Variants in PTPRJ observed in about 807,000 individuals in gnomAD.
The protein encoded by PTPRJ is receptor-type tyrosine-protein phosphatase eta.
Under a neutral mutation model 141.3 loss-of-function variants are expected in PTPRJ, and 129 were observed. The ratio of observed to expected loss-of-function variants is 0.91; its 90% CI spans 0.79 to 1.06. The LOEUF (loss-of-function observed/expected upper bound fraction) is 1.06, where lower values mean the gene tolerates loss of function less well. Among genes scored for constraint, PTPRJ ranks in the 50% least tolerant of loss-of-function variants. PTPRJ has a pLI of 0.00. For missense variants in PTPRJ, 1,601 were observed against 1,679.7 expected (o/e 0.95, Z 0.82); for synonymous variants, 610 against 640.5 (o/e 0.95, Z 0.72).
At chr11:48,094,410 A>G (rs928474450) in intron 1 of PTPRJ, among the ~76,000 whole-genome samples, 1 of 152,154 alleles carries the variant, frequency 6.6e-6, no homozygotes, top group Non-Finnish European at 1.5e-5. Flanking sequence ...AAATTAACCG[A>G]GTGGGGAAAT....
In PTPRJ at chr11:48,163,582, A is replaced by G. The variant is rs201873108; in HGVS notation, c.3683A>G (p.Gln1228Arg). 679 of 1,613,938 alleles carry G rather than the reference A, an allele frequency of 4.2e-4. 1 individual carries two copies. Among genetic ancestry groups the G allele is most frequent in the Non-Finnish European group, 5.0e-4 (593 of 1,179,894 alleles). Residue 1228 changes from glutamine to arginine, a missense_variant, in exon 23 of 25, where the codon CAG becomes CGG. Physicochemically the swap from Gln to Arg is conservative, Grantham distance 43 (BLOSUM62 1). Transcript: ENST00000418331. ...FRYLVRDYMK[Q>R]SPPESPILVH... ...TACCTCGTTCGTGACTACATGAAGC[A>G]GAGTCCTCCCGAATCGCCGATTCTG...
At chr11:48,132,799 T>TTAACCCAACCA in intron 8 of PTPRJ, 1 of 898,924 alleles carries the variant, frequency 1.1e-6, no homozygotes, top group Non-Finnish European at 1.3e-6. Flanking sequence ...TCAACTGTGC[T>TTAACCCAACCA]GGTTGGGTTA....
At chr11:48,061,913 T>A (rs996699158) in intron 1 of PTPRJ, among the ~76,000 whole-genome samples, 1 of 149,632 alleles carries the variant, frequency 6.7e-6, no homozygotes, top group South Asian at 2.1e-4. Flanking sequence ...CTTATAGTTT[T>A]TTTTTTTTTT....
chr11:48,167,656 A>AT lies in PTPRJ; in HGVS notation c.*303dup, dbSNP rs964493999. ...GGAAAACCAGGAAAAGGGAGCTATG[A>AT]TTTTTTTTTCCAAAACAATTTCTTT... On this transcript the variant is annotated 3_prime_UTR_variant, in exon 25 of 25. Coordinates refer to ENST00000418331, the MANE Select transcript of PTPRJ (RefSeq NM_002843.4). 1.1e-3 allele frequency: 292 copies of AT among 264,796 alleles called. No individual in the cohort carries two copies. The highest frequency in any genetic ancestry group is 1.9e-3 in the East Asian group (29 of 14,938). The allele number at this position is 264,796 out of a possible 1,614,324, so 16.4% of individuals were successfully genotyped here. A position where few individuals can be genotyped will look rare whatever the true frequency, so the allele number is the denominator to read the frequency against.
intron 18 of PTPRJ, among the ~76,000 whole-genome samples, chr11:48,151,215 A>G (rs1382625840): frequency 6.6e-6 from 1 of 151,664 alleles, no homozygotes; most frequent in Non-Finnish European, 1.5e-5. Flanking sequence ...GCAGGGTCAC[A>G]CTCCCTTCTA....
At chr11:48,067,331 C>T (rs1251900523) in intron 1 of PTPRJ, among the ~76,000 whole-genome samples, 1 of 152,212 alleles carries the variant, frequency 6.6e-6, no homozygotes, top group East Asian at 1.9e-4. Context: ...AGCAATGCCG[C>T]TGCCAATGGT....
intron 19 of PTPRJ, among the ~76,000 whole-genome samples, chr11:48,155,569 C>G (rs982920602): frequency 2.0e-5 from 3 of 152,042 alleles, no homozygotes; most frequent in Middle Eastern, 3.2e-3. Context: ...AAATCCTGGC[C>G]CTGCCACTCA....
intron 1 of PTPRJ, among the ~76,000 whole-genome samples, chr11:48,052,659 A>G (rs775277793): frequency 6.6e-6 from 1 of 152,214 alleles, no homozygotes; most frequent in Non-Finnish European, 1.5e-5. Context: ...CAGATCTCAA[A>G]GGATGGGACA....
chr11:47,999,250 T>C (rs1305563667), intron 1 of PTPRJ, among the ~76,000 whole-genome samples: 1 of 152,226 alleles, frequency 6.6e-6, no homozygotes, highest in Admixed American at 6.5e-5. Context: ...GCTGTTTATT[T>C]GCTGTCTTTG....
chr11:48,078,040 T>A (rs1255454796), intron 1 of PTPRJ, among the ~76,000 whole-genome samples: 1 of 151,836 alleles, frequency 6.6e-6, no homozygotes, highest in Non-Finnish European at 1.5e-5. Context: ...TAAAGATGGA[T>A]TCAGTGTTTT....
At chr11:48,039,772 C>A (rs1288345184) in intron 1 of PTPRJ, among the ~76,000 whole-genome samples, 1 of 151,630 alleles carries the variant, frequency 6.6e-6, no homozygotes, top group African/African-American at 2.4e-5. Flanking sequence ...AGTGTCCCCC[C>A]AGTCTCCCTT....
intron 24 of PTPRJ, 24 bp from the exon 25 acceptor site, chr11:48,167,180 C>G (rs1857935773): frequency 6.3e-7 from 1 of 1,590,930 alleles, no homozygotes; most frequent in African/African-American, 1.3e-5. Context: ...CATTTTCTGT[C>G]TCTCTCTTTC....
chr11:48,163,696 T>C, intron 23 of PTPRJ, 78 bp downstream of exon 23: 1 of 1,441,808 alleles, frequency 6.9e-7, no homozygotes, highest in Non-Finnish European at 9.6e-7. Flanking sequence ...AAGCAAAGCC[T>C]AAGAGGGAAT....
intron 8 of PTPRJ, among the ~76,000 whole-genome samples, chr11:48,133,904 C>T (rs1262892894): frequency 1.3e-5 from 2 of 152,148 alleles, no homozygotes; most frequent in African/African-American, 4.8e-5. Flanking sequence ...GATTAGGCAA[C>T]TTAATATTCT....
rs79473393 is a variant in PTPRJ at position 48,116,143 on chromosome 11, A to G, written c.352+3160A>G. Among the ~76,000 whole-genome samples the G allele has an allele frequency of 4.3e-4, 66 of 152,266 alleles. No individual in the cohort carries two copies. The East Asian group carries it at 7.5e-3, about 17-fold the overall frequency. On this transcript the variant is annotated intron_variant, in intron 3 of 24. Coordinates refer to ENST00000418331, the MANE Select transcript of PTPRJ (RefSeq NM_002843.4). Reference sequence around the variant, plus strand: ...GAGTGCGTGAATGGGTTAAAAAAAAAAACCGATCTCAATAGTATGCTGTCT... The same window carrying G: ...GAGTGCGTGAATGGGTTAAAAAAAAGAACCGATCTCAATAGTATGCTGTCT...
intron 1 of PTPRJ, among the ~76,000 whole-genome samples, chr11:47,990,317 T>TGTGTATCA (rs1194509428): frequency 6.6e-6 from 1 of 152,228 alleles, no homozygotes; most frequent in Non-Finnish European, 1.5e-5. Context: ...TATAGATACT[T>TGTGTATCA]GTGTATCAGA....
chr11:48,156,486 G>A (rs942019746), intron 21 of PTPRJ, among the ~76,000 whole-genome samples: 16 of 151,666 alleles, frequency 1.1e-4, no homozygotes, highest in African/African-American at 3.9e-4. Context: ...TAAGCAACCG[G>A]TGTCTTCATC....
At chr11:47,984,012 TATGA>T (rs1299631572) in intron 1 of PTPRJ, among the ~76,000 whole-genome samples, 4 of 152,208 alleles carry the variant, frequency 2.6e-5, no homozygotes, top group Non-Finnish European at 4.4e-5. Context: ...TAGATTCTCA[TATGA>T]GTGACTTTAA....
chr11:48,062,654 G>A (rs1303823120), intron 1 of PTPRJ, among the ~76,000 whole-genome samples: 3 of 152,144 alleles, frequency 2.0e-5, no homozygotes, highest in Non-Finnish European at 2.9e-5. Context: ...AATTGCCTAC[G>A]AGGTTGGACA....
Sources: allele counts gnomAD v4.1 joint callset (sites outside exome capture counted in the v4.1 genomes callset), GRCh38; gene constraint gnomAD v4.1.1; transcripts MANE v1.5; gene names NCBI Gene and HGNC (gene_info 2026-07-23, HGNC 2026-07-21).